The following ZPBP variants were observed in gnomAD, a reference collection of about 807,000 sequenced individuals.
The protein encoded by ZPBP is zona pellucida binding protein.
A neutral mutation model predicts 44.8 loss-of-function variants in ZPBP; 26 were observed. That is an observed-to-expected ratio of 0.58 (90% CI 0.43 to 0.81). The LOEUF is 0.81. ZPBP is among the 30% of genes least tolerant of loss of function. The pLI, the probability that ZPBP is intolerant of heterozygous loss-of-function variation, is 0.00. For synonymous variants in ZPBP, 174 were observed against 153.2 expected (o/e 1.14, Z -1.00); for missense variants, 409 against 434.0 (o/e 0.94, Z 0.51).
intron 3 of ZPBP, among the ~76,000 whole-genome samples, chr7:50,064,193 A>C (rs909215203): frequency 6.6e-6 from 1 of 152,214 alleles, no homozygotes; most frequent in African/African-American, 2.4e-5. Context: ...AGCCACAAAA[A>C]CCAGCAAGTT....
At chr7:49,912,159 A>T (rs1562770954) in intron 1 of ZPBP, 1 of 1,614,076 alleles carries the variant, frequency 6.2e-7, no homozygotes, top group Non-Finnish European at 8.5e-7. Context: ...GGCCATGTGC[A>T]CGAGACATGA....
At chr7:49,975,937 A>T (rs1165760887) in intron 7 of ZPBP, among the ~76,000 whole-genome samples, 2 of 152,170 alleles carry the variant, frequency 1.3e-5, no homozygotes, top group Non-Finnish European at 2.9e-5. Flanking sequence ...TTGGATAAAT[A>T]AAGTGGAGTT....
chr7:50,059,808 G>A (rs2221656), intron 3 of ZPBP, among the ~76,000 whole-genome samples: 139,145 of 152,116 alleles, frequency 0.91, 63,688 homozygotes, highest in African/African-American at 0.93. Flanking sequence ...TATACAATCT[G>A]TAATAAAATG....
At chr7:50,054,240 T>C (rs1800823831) in intron 4 of ZPBP, among the ~76,000 whole-genome samples, 1 of 149,890 alleles carries the variant, frequency 6.7e-6, no homozygotes, top group African/African-American at 2.4e-5. Context: ...ACTCAGAGAA[T>C]TAAAATTGAT....
chr7:50,032,358 G>C (rs1352352478), intron 4 of ZPBP, among the ~76,000 whole-genome samples: 1 of 152,138 alleles, frequency 6.6e-6, no homozygotes, highest in East Asian at 1.9e-4. Flanking sequence ...TGGAACTATA[G>C]TTGAGTCACA....
chr7:49,889,105 C>G lies in ZPBP; in HGVS notation n.509+12013G>C, dbSNP rs373412193. Among the ~76,000 whole-genome samples, 9 of 152,282 alleles carry G rather than the reference C, an allele frequency of 5.9e-5. No individual in the cohort carries two copies. The East Asian group carries it at 1.5e-3, about 26-fold the overall frequency. On this transcript the variant is annotated intron_variant and non_coding_transcript_variant, in intron 2 of 2. Transcript: ENST00000465922. ...GACCAGATATACAGGGAATGCTCATCTTTTGTTTCTTCTGGGTACATTACA... is the reference window on the plus strand; with the variant it reads ...GACCAGATATACAGGGAATGCTCATGTTTTGTTTCTTCTGGGTACATTACA...
intron 2 of ZPBP, among the ~76,000 whole-genome samples, chr7:49,874,535 C>T (rs146983653): frequency 2.7e-4 from 36 of 135,704 alleles, no homozygotes; most frequent in African/African-American, 9.6e-4. Context: ...TGTTACATGA[C>T]GCATGACTAT....
At chr7:50,018,923 TC>T (rs1798949199) in intron 5 of ZPBP, among the ~76,000 whole-genome samples, 1 of 151,944 alleles carries the variant, frequency 6.6e-6, no homozygotes, top group Admixed American at 6.6e-5. Context: ...ATCAACAAAA[TC>T]CCATTGAATT....
chr7:49,853,918 A>T (rs1213519522), intron 2 of ZPBP, among the ~76,000 whole-genome samples: 1 of 136,564 alleles, frequency 7.3e-6, no homozygotes, highest in Non-Finnish European at 1.5e-5. Flanking sequence ...CCTGTGTCCA[A>T]ATGTTTTCAT....
intron 2 of ZPBP, among the ~76,000 whole-genome samples, chr7:49,884,790 G>A (rs1316231570): frequency 6.6e-6 from 1 of 151,638 alleles, no homozygotes; most frequent in Non-Finnish European, 1.5e-5. Context: ...AATAAACCTA[G>A]GATTCCAAAG....
At chr7:50,018,385 A>C in intron 5 of ZPBP, 69 bp from the exon 6 acceptor site, 1 of 1,229,918 alleles carries the variant, frequency 8.1e-7, no homozygotes, top group South Asian at 1.3e-5. Context: ...TTGGATTTTG[A>C]AAAATGAAAG....
chr7:49,981,646 A>T lies in ZPBP; in HGVS notation c.961+1696T>A, dbSNP rs1357943080. 2.6e-4 allele frequency among the ~76,000 whole-genome samples: 18 copies of T among 67,954 alleles called. 5 individuals carry two copies. In the East Asian group the frequency reaches 2.7e-3, roughly 10 times the overall value. The allele number at this position is 67,954 out of a possible 152,430, so 44.6% of individuals were successfully genotyped here. A position where few individuals can be genotyped will look rare whatever the true frequency, so the allele number is the denominator to read the frequency against. Reference sequence around the variant, plus strand: ...ATTATATTATATTATATATTATATAATATCTTGATATAAAATATATATTAT... The same window carrying T: ...ATTATATTATATTATATATTATATATTATCTTGATATAAAATATATATTAT... On this transcript the variant is annotated intron_variant, in intron 7 of 7. Coordinates refer to ENST00000046087, the MANE Select transcript of ZPBP (RefSeq NM_007009.3).
intron 2 of ZPBP, among the ~76,000 whole-genome samples, chr7:49,871,706 G>A (rs1791152989): frequency 6.6e-6 from 1 of 151,776 alleles, no homozygotes; most frequent in African/African-American, 2.4e-5. Flanking sequence ...GTTGGGCAGG[G>A]GATTTAGATC....
At chr7:50,036,311 G>C (rs1799824459) in intron 4 of ZPBP, among the ~76,000 whole-genome samples, 1 of 152,194 alleles carries the variant, frequency 6.6e-6, no homozygotes, top group African/African-American at 2.4e-5. Context: ...CTGCCACTGA[G>C]CTGGCTACTT....
rs148079907 is a variant in ZPBP, at chr7:50,064,562, G to A, written c.335-6421C>T. Among the ~76,000 whole-genome samples the A allele has an allele frequency of 8.3e-3, 1,264 of 152,236 alleles. 13 individuals are homozygous for A. The highest frequency in any genetic ancestry group is 0.029 in the African/African-American group (1,196 of 41,548). On this transcript the variant is annotated intron_variant, in intron 3 of 7. Coordinates refer to ENST00000046087, the MANE Select transcript of ZPBP (RefSeq NM_007009.3). ...AGGGGGCCAGTTCAGAGACCTACCC[G>A]CAGGCACACATTCTCTTTCTCAGGG...
chr7:49,992,143 C>T, intron 6 of ZPBP, among the ~76,000 whole-genome samples: 1 of 151,972 alleles, frequency 6.6e-6, no homozygotes, highest in Non-Finnish European at 1.5e-5. Context: ...AGGAAAACTC[C>T]AGTATGACTT....
chr7:49,856,963 T>A (rs1264682384), intron 2 of ZPBP, among the ~76,000 whole-genome samples: 1 of 124,104 alleles, frequency 8.1e-6, no homozygotes, highest in Non-Finnish European at 1.6e-5. Flanking sequence ...TGAGCTGAGA[T>A]CGGGCCACTG....
In ZPBP at chr7:50,083,523, A is replaced by C. The variant is rs556664809; in HGVS notation, c.209-1624T>G. ...ACTGATTCTAAAATCCATTTGGAAG[A>C]TTAAAGCTTCATAAATATCTGAAAG... On this transcript the variant is annotated intron_variant, in intron 2 of 7. Coordinates refer to ENST00000046087, the MANE Select transcript of ZPBP (RefSeq NM_007009.3). Among the ~76,000 whole-genome samples the C allele has an allele frequency of 2.6e-5, 4 of 152,188 alleles. No homozygotes were observed. In the South Asian group the frequency reaches 8.3e-4, roughly 32 times the overall value.
At chr7:49,932,499 A>G (rs531469646), downstream of ZPBP, among the ~76,000 whole-genome samples, 18 of 152,288 alleles carry the variant, frequency 1.2e-4, no homozygotes, top group African/African-American at 4.3e-4. Flanking sequence ...GTTTTGGCCA[A>G]TTTCTCCCAT....
Sources: gnomAD v4.1 joint callset for allele counts (sites outside exome capture counted in the v4.1 genomes callset) on GRCh38, gnomAD v4.1.1 for gene constraint, MANE v1.5 for transcripts, NCBI Gene and HGNC (gene_info 2026-07-23, HGNC 2026-07-21) for gene names.